Variants in G3BP2 observed in about 807,000 individuals in gnomAD.
G3BP2 encodes ras GTPase-activating protein-binding protein 2.
Under a neutral mutation model 56.7 loss-of-function variants are expected in G3BP2, and 11 were observed. The observed-to-expected ratio is 0.19, with a 90% CI of 0.12 to 0.32. The LOEUF (loss-of-function observed/expected upper bound fraction) is 0.32, where lower values mean the gene tolerates loss of function less well. Among genes scored for constraint, G3BP2 ranks in the 10% least tolerant of loss-of-function variants. The pLI, the probability that G3BP2 is intolerant of heterozygous loss-of-function variation, is 1.00. For synonymous variants in G3BP2, 165 were observed against 191.6 expected, an observed-to-expected ratio of 0.86 and a Z score of 1.15; for missense variants, 340 against 610.9, an observed-to-expected ratio of 0.56 and a Z score of 4.67.
intron 1 of G3BP2, among the ~76,000 whole-genome samples, chr4:75,670,008 CG>C (rs1733360348): frequency 6.6e-6 from 1 of 152,138 alleles, no homozygotes; most frequent in South Asian, 2.1e-4. Context: ...GCAGGAGAAT[CG>C]CTTGAACCCG....
intron 2 of G3BP2, among the ~76,000 whole-genome samples, chr4:75,721,442 G>A (rs1196280486): frequency 2.0e-5 from 3 of 151,540 alleles, no homozygotes; most frequent in African/African-American, 7.3e-5. Flanking sequence ...ATTTTTTGTA[G>A]AGACAGGGTT....
chr4:75,674,713 TATA>T (rs1330695583), upstream of G3BP2, among the ~76,000 whole-genome samples: 204 of 51,404 alleles, frequency 4.0e-3, 3 homozygotes, highest in African/African-American at 0.011. Context: ...TATATATATA[TATA>T]TATTTTTTTT....
At chr4:75,717,516 G>A (rs1175750367) in intron 3 of G3BP2, among the ~76,000 whole-genome samples, 1 of 152,064 alleles carries the variant, frequency 6.6e-6, no homozygotes, top group African/African-American at 2.4e-5. Flanking sequence ...TACTTGCTTG[G>A]GGCATAGCCT....
intron 6 of G3BP2, 116 bp from the exon 7 acceptor site, chr4:75,655,362 CA>C: frequency 1.4e-6 from 1 of 729,728 alleles, no homozygotes; most frequent in Non-Finnish European, 2.3e-6. Context: ...TCTAGATCTA[CA>C]AAGTATTCAA....
Position 75,722,056 on chromosome 4 carries a change from A to G in G3BP2, c.-118+141T>C, listed in dbSNP as rs990165325. On this transcript the variant is annotated intron_variant, in intron 2 of 3. Transcript: ENST00000499709. ...AGGAATTATACTAGATGATTAAAGG[A>G]TGCAAACAGGAATACAACACAGTCC... Among the ~76,000 whole-genome samples, 5 of 152,166 alleles carry G rather than the reference A, an allele frequency of 3.3e-5. 1 individual carries two copies. Among genetic ancestry groups the G allele is most frequent in the Admixed American group, 2.6e-4 (4 of 15,252 alleles).
At chr4:75,718,735 A>G (rs1045358385) in intron 3 of G3BP2, among the ~76,000 whole-genome samples, 1 of 152,196 alleles carries the variant, frequency 6.6e-6, no homozygotes, top group African/African-American at 2.4e-5. Flanking sequence ...CCACATAGGC[A>G]TGCGACCCTA....
chr4:75,716,471 G>T (rs767195682), intron 3 of G3BP2, among the ~76,000 whole-genome samples: 1 of 151,560 alleles, frequency 6.6e-6, no homozygotes, highest in Non-Finnish European at 1.5e-5. Flanking sequence ...CACCACACCC[G>T]GCCCTCTTCT....
At chr4:75,721,292 C>T (rs1720168748) in intron 2 of G3BP2, among the ~76,000 whole-genome samples, 1 of 151,030 alleles carries the variant, frequency 6.6e-6, no homozygotes, top group South Asian at 2.1e-4. Context: ...TCCATCCTCC[C>T]AGCTGGAATG....
intron 8 of G3BP2, among the ~76,000 whole-genome samples, chr4:75,653,240 T>C (rs1418371692): frequency 6.6e-6 from 1 of 152,204 alleles, no homozygotes; most frequent in Non-Finnish European, 1.5e-5. Flanking sequence ...TACATTTATA[T>C]ACTAACATTT....
intron 8 of G3BP2, among the ~76,000 whole-genome samples, chr4:75,653,080 C>T (rs1395781530): frequency 1.3e-5 from 2 of 151,054 alleles, no homozygotes; most frequent in Non-Finnish European, 2.9e-5. Flanking sequence ...AGGGTAACCA[C>T]GCATTGCCTG....
chr4:75,666,872 G>A (rs1463382293), intron 1 of G3BP2, among the ~76,000 whole-genome samples: 1 of 152,124 alleles, frequency 6.6e-6, no homozygotes, highest in Admixed American at 6.5e-5. Context: ...GGGAGTAAAA[G>A]GTTTCAACTA....
intron 3 of G3BP2, among the ~76,000 whole-genome samples, chr4:75,717,640 A>C (rs1560425389): frequency 2.0e-5 from 3 of 152,308 alleles, no homozygotes; most frequent in African/African-American, 7.2e-5. Flanking sequence ...GGCATCACCC[A>C]ATGCGAACTT....
intron 9 of G3BP2, 127 bp from the exon 10 acceptor site, chr4:75,647,284 T>C: frequency 1.7e-6 from 1 of 598,016 alleles, no homozygotes; most frequent in African/African-American, 1.9e-5. Context: ...GTGAGCTTCT[T>C]GAAAAAGAGG....
chr4:75,647,265 T>TTA (rs1731305095), intron 9 of G3BP2, 108 bp from the exon 10 acceptor site: 1 of 714,308 alleles, frequency 1.4e-6, no homozygotes, highest in African/African-American at 1.8e-5. Context: ...TTTAGTTTAA[T>TTA]AAGACTAGGT....
At chr4:75,673,154 G>C in intron 1 of G3BP2, 54 bp downstream of exon 1, 1 of 1,149,702 alleles carries the variant, frequency 8.7e-7, no homozygotes. Context: ...AGCGCGAATG[G>C]AATGTCCCTT....
Position 75,655,796 on chromosome 4 carries a change from T to A in G3BP2, c.517A>T (p.Ser173Cys), listed in dbSNP as rs777878492. 7.6e-5 allele frequency: 122 copies of A among 1,595,968 alleles called. No homozygotes were observed. The highest frequency in any genetic ancestry group is 5.5e-5 in the Non-Finnish European group (64 of 1,163,554). ...SPEPVQENAN[S>C]GYYEAHPVTN... Reference sequence around the variant, plus strand: ...ACAGGGTGAGCTTCATAGTAACCACTGTTAGCATTTTCTTGCACAGGTTCA... The same window carrying A: ...ACAGGGTGAGCTTCATAGTAACCACAGTTAGCATTTTCTTGCACAGGTTCA... The change falls in exon 6 of 12, where the codon AGT (serine) becomes TGT (cysteine). Residue 173 changes from serine (S) to cysteine (C), a missense_variant. This residue lies in a region of G3BP2 where 224 missense variants were observed against 332.5 expected (regional missense o/e 0.67). Transcript: ENST00000359707.
chr4:75,721,559 C>A (rs529257201), intron 2 of G3BP2, among the ~76,000 whole-genome samples: 1 of 151,990 alleles, frequency 6.6e-6, no homozygotes, highest in African/African-American at 2.4e-5. Flanking sequence ...CTTTAAAAAC[C>A]TATATACGAT....
intron 1 of G3BP2, among the ~76,000 whole-genome samples, chr4:75,669,308 G>C (rs999455931): frequency 6.6e-6 from 1 of 152,142 alleles, no homozygotes; most frequent in Non-Finnish European, 1.5e-5. Context: ...CCTTATTTCT[G>C]TTAAAAGTGT....
chr4:75,687,272 T>G (rs751369885), intron 3 of G3BP2, among the ~76,000 whole-genome samples: 46 of 152,168 alleles, frequency 3.0e-4, no homozygotes, highest in Non-Finnish European at 5.9e-4. Context: ...TGATAGTGAA[T>G]AAGTCTCATA....
Sources: gnomAD v4.1 joint callset for allele counts (sites outside exome capture counted in the v4.1 genomes callset) on GRCh38, gnomAD v4.1.1 for gene constraint, gnomAD v4.1.1 regional missense constraint, MANE v1.5 for transcripts, NCBI Gene and HGNC (gene_info 2026-07-23, HGNC 2026-07-21) for gene names.